TK2: variants seen among roughly 807,000 people sequenced by gnomAD.
TK2 encodes the protein thymidine kinase 2.
TK2 carries 35 observed loss-of-function variants against 41.9 expected under a neutral mutation model. The ratio of observed to expected loss-of-function variants is 0.84; its 90% confidence interval spans 0.64 to 1.11. TK2 has a LOEUF of 1.11. Among genes scored for constraint, TK2 ranks in the 50% least tolerant of loss-of-function variants. TK2 has a pLI of 0.00. For synonymous variants in TK2, 128 were observed against 129.1 expected, an observed-to-expected ratio of 0.99 and a Z score of 0.06; for missense variants, 320 against 351.1, an observed-to-expected ratio of 0.91 and a Z score of 0.71.
intron 4 of TK2, among the ~76,000 whole-genome samples, chr16:66,535,819 A>G (rs1162882337): frequency 6.6e-6 from 1 of 152,238 alleles, no homozygotes; most frequent in Admixed American, 6.5e-5. Flanking sequence ...GGTTTTAGCA[A>G]ATAACAATGA....
At chr16:66,543,205 G>A (rs762051699) in intron 2 of TK2, among the ~76,000 whole-genome samples, 4 of 152,178 alleles carry the variant, frequency 2.6e-5, no homozygotes, top group East Asian at 1.9e-4. Flanking sequence ...CTCTCCAGGC[G>A]ATTTCAATGT....
At chr16:66,512,893 C>G (rs1411729288) in intron 9 of TK2, among the ~76,000 whole-genome samples, 2 of 152,174 alleles carry the variant, frequency 1.3e-5, no homozygotes, top group African/African-American at 4.8e-5. Context: ...ATTCCTATGG[C>G]CACGCACAAA....
chr16:66,529,073 G>A lies in TK2; in HGVS notation c.376-6C>T, dbSNP rs554534984. ...ATCAACCGTACAGATGACACCTAAA[G>A]GAAAACAAAAAGAGAATCACTAACT... On this transcript the variant is annotated splice_region_variant and splice_polypyrimidine_tract_variant and intron_variant, in intron 5 of 9. Coordinates refer to ENST00000544898, the MANE Select transcript of TK2 (RefSeq NM_004614.5). The A allele has an allele frequency of 4.1e-5, 66 of 1,613,786 alleles. No individual in the cohort carries two copies. The highest frequency in any genetic ancestry group is 5.6e-5 in the Non-Finnish European group (66 of 1,179,928).
chr16:66,536,879 G>A, intron 4 of TK2, 85 bp downstream of exon 4: 1 of 1,482,696 alleles, frequency 6.7e-7, no homozygotes, highest in Non-Finnish European at 9.4e-7. Flanking sequence ...AGAATGCCTG[G>A]GCAGGCAGGG....
intron 4 of TK2, among the ~76,000 whole-genome samples, chr16:66,534,068 C>A (rs1965205437): frequency 6.8e-6 from 1 of 146,832 alleles, no homozygotes; most frequent in Non-Finnish European, 1.5e-5. Context: ...ATGGATTAAT[C>A]TATTCACGGA....
chr16:66,526,768 A>G (rs1964944418), intron 6 of TK2, among the ~76,000 whole-genome samples: 1 of 152,144 alleles, frequency 6.6e-6, no homozygotes, highest in Non-Finnish European at 1.5e-5. Flanking sequence ...AAAAAAAGCA[A>G]CAAGAGCCAC....
intron 8 of TK2, 176 bp from the exon 9 acceptor site, chr16:66,513,987 G>GAGTGT: frequency 1.5e-6 from 1 of 686,336 alleles, no homozygotes; most frequent in Non-Finnish European, 2.7e-6. Flanking sequence ...CCACACACTC[G>GAGTGT]GTGGCCAGGC....
Position 66,514,009 on chromosome 16 carries a change from G to A in TK2, c.619-198C>T. Reference sequence around the variant, plus strand: ...CTCGGTGGCCAGGCTGAGCAAAACAGCACAAGTGTCACCAGCCACCCTGCT... The same window carrying A: ...CTCGGTGGCCAGGCTGAGCAAAACAACACAAGTGTCACCAGCCACCCTGCT... On this transcript the variant is annotated intron_variant, in intron 8 of 9. Coordinates refer to ENST00000544898, the MANE Select transcript of TK2 (RefSeq NM_004614.5). This position sits in a 1 kb window ranked among gnomAD's most constrained non-coding sequence, Gnocchi z 4.2. 1.5e-6 allele frequency: 1 copy of A among 668,188 alleles called. No homozygotes were observed. The highest frequency in any genetic ancestry group is 2.7e-6 in the Non-Finnish European group (1 of 364,404). The allele number at this position is 668,188 out of a possible 1,614,324, so 41.4% of individuals were successfully genotyped here.
At chr16:66,546,238 A>G (rs934823473) in intron 2 of TK2, among the ~76,000 whole-genome samples, 4 of 152,198 alleles carry the variant, frequency 2.6e-5, no homozygotes, top group Non-Finnish European at 5.9e-5. Flanking sequence ...TCAAAAAATA[A>G]AAAATAAAAA....
chr16:66,536,722 G>A (rs1247632430), intron 4 of TK2, among the ~76,000 whole-genome samples: 3 of 152,096 alleles, frequency 2.0e-5, no homozygotes, highest in Non-Finnish European at 4.4e-5. Flanking sequence ...GTCGGCCACT[G>A]GGAATAGTAT....
chr16:66,541,122 T>C (rs1026661174), intron 3 of TK2, among the ~76,000 whole-genome samples: 1 of 152,208 alleles, frequency 6.6e-6, no homozygotes, highest in Non-Finnish European at 1.5e-5. Flanking sequence ...TGTATAAAAT[T>C]ACCTTCAGGC....
intron 2 of TK2, among the ~76,000 whole-genome samples, chr16:66,542,639 G>T (rs980788691): frequency 6.6e-6 from 1 of 152,170 alleles, no homozygotes; most frequent in African/African-American, 2.4e-5. Flanking sequence ...GGGAGGGAAA[G>T]GGGGTCATGG....
intron 2 of TK2, chr16:66,548,677 C>A (rs1328502044): frequency 2.1e-5 from 8 of 378,712 alleles, no homozygotes; most frequent in Non-Finnish European, 3.4e-5. Context: ...ACCTTCCCCA[C>A]AACACAATGA....
chr16:66,539,059 C>T (rs143403821), intron 3 of TK2, among the ~76,000 whole-genome samples: 427 of 152,302 alleles, frequency 2.8e-3, no homozygotes, highest in Non-Finnish European at 4.9e-3. Context: ...ACCCTCAACA[C>T]AGTGTTGGGC....
Position 66,548,041 on chromosome 16 carries a change from T to C in TK2, c.156+937A>G, listed in dbSNP as rs61590128. Reference sequence around the variant, plus strand: ...TGAGCCCAGGAGTTGGAGGCCAGCCTGGGCAACACAGCAAGACGCCGTCTC... The same window carrying C: ...TGAGCCCAGGAGTTGGAGGCCAGCCCGGGCAACACAGCAAGACGCCGTCTC... On this transcript the variant is annotated intron_variant, in intron 2 of 9. Coordinates refer to ENST00000544898, the MANE Select transcript of TK2 (RefSeq NM_004614.5). The C allele has an allele frequency of 1.6e-3, 1,506 of 960,340 alleles. 18 individuals are homozygous for C. The African/African-American group carries it at 0.024, about 15-fold the overall frequency. 59.5% of individuals were successfully genotyped at this position (960,340 alleles called of 1,614,324 possible).
In TK2 at chr16:66,511,468, C is replaced by A; in HGVS notation, c.*500G>T. ...GCTCTCAGGAGGAGGCAGCCCAGGG[C>A]AAGGGAAAGTTGCTGAGTCGGCTGA... On this transcript the variant is annotated 3_prime_UTR_variant, in exon 10 of 10. Coordinates refer to ENST00000544898, the MANE Select transcript of TK2 (RefSeq NM_004614.5). The A allele has an allele frequency of 4.1e-6, 1 of 242,884 alleles. No homozygotes were observed. The highest frequency in any genetic ancestry group is 5.0e-5 in the South Asian group (1 of 19,818). 15.0% of individuals were successfully genotyped at this position (242,884 alleles called of 1,614,324 possible). A position where few individuals can be genotyped will look rare whatever the true frequency, so the allele number is the denominator to read the frequency against.
At chr16:66,518,233 A>G in intron 6 of TK2, 1 of 331,006 alleles carries the variant, frequency 3.0e-6, no homozygotes, top group South Asian at 2.5e-5. Context: ...CACTTCTAGA[A>G]ATTTATTTTG....
chr16:66,529,890 C>A (rs1965055470), intron 5 of TK2, among the ~76,000 whole-genome samples: 1 of 152,202 alleles, frequency 6.6e-6, no homozygotes, highest in African/African-American at 2.4e-5. Flanking sequence ...CTTCCTAGCT[C>A]CCCATTCATC....
chr16:66,516,187 G>T (rs1450897362), intron 8 of TK2, among the ~76,000 whole-genome samples: 1 of 151,556 alleles, frequency 6.6e-6, no homozygotes, highest in Non-Finnish European at 1.5e-5. Flanking sequence ...CCAGGGGGTG[G>T]GTTTGGGGGG....
Sources: allele counts gnomAD v4.1 joint callset (sites outside exome capture counted in the v4.1 genomes callset), GRCh38; gene constraint gnomAD v4.1.1; non-coding constraint Gnocchi (gnomAD v3.1); transcripts MANE v1.5; gene names NCBI Gene and HGNC (gene_info 2026-07-23, HGNC 2026-07-21).